Variants in NALF1 observed in about 807,000 individuals in gnomAD.
The protein encoded by NALF1 is NALCN channel auxiliary factor 1.
NALF1 carries 3 observed loss-of-function variants against 48.4 expected under a neutral mutation model. The observed-to-expected ratio is 0.06, with a 90% CI of 0.03 to 0.16. The LOEUF (loss-of-function observed/expected upper bound fraction) is 0.16. Ranked by LOEUF, NALF1 falls within the 10% of genes least tolerant of loss-of-function variation. The pLI is 1.00. For missense variants in NALF1, 526 were observed against 571.5 expected, an observed-to-expected ratio of 0.92 and a Z score of 0.81; for synonymous variants, 262 against 245.7, an observed-to-expected ratio of 1.07 and a Z score of -0.62.
At chr13:107,333,209 A>G (rs2138926088) in intron 1 of NALF1, among the ~76,000 whole-genome samples, 1 of 152,306 alleles carries the variant, frequency 6.6e-6, no homozygotes, top group Admixed American at 6.5e-5. Context: ...ATGTTGATTC[A>G]TGAACATTGA....
In NALF1 at chr13:107,835,879, T is replaced by TA. The variant is rs550569297; in HGVS notation, c.915+29802dup. 3.8e-4 allele frequency among the ~76,000 whole-genome samples: 58 copies of TA among 152,242 alleles called. No homozygotes were observed. In the South Asian group the frequency reaches 0.01, roughly 27 times the overall value. ...GATGAGGATCGGGGTGAGAGAAGAT[T>TA]AATACATTCCCCACAGTCTAGATCA... On this transcript the variant is annotated intron_variant, in intron 1 of 2. Coordinates refer to ENST00000375915, the MANE Select transcript of NALF1 (RefSeq NM_001080396.3).
intron 1 of NALF1, among the ~76,000 whole-genome samples, chr13:107,728,490 T>C (rs941701125): frequency 6.7e-6 from 1 of 149,596 alleles, no homozygotes; most frequent in Non-Finnish European, 1.5e-5. Context: ...AATGAGAACA[T>C]GTGGACACAG....
chr13:107,386,767 G>A (rs375585451), intron 1 of NALF1, among the ~76,000 whole-genome samples: 3 of 152,136 alleles, frequency 2.0e-5, no homozygotes, highest in South Asian at 4.2e-4. Context: ...ATTCTAGTAC[G>A]TCCACCTGTA....
At chr13:107,756,751 C>T (rs1566470268) in intron 1 of NALF1, among the ~76,000 whole-genome samples, 1 of 152,038 alleles carries the variant, frequency 6.6e-6, no homozygotes, top group Admixed American at 6.6e-5. Flanking sequence ...GGTGTGTGCT[C>T]AATGAAGGCA....
chr13:107,852,128 A>G (rs1183615492), intron 1 of NALF1, among the ~76,000 whole-genome samples: 1 of 151,968 alleles, frequency 6.6e-6, no homozygotes, highest in East Asian at 1.9e-4. Flanking sequence ...GTTCTAATTA[A>G]TGTGCACCTA....
At chr13:107,822,121 C>G (rs1159231640) in intron 1 of NALF1, among the ~76,000 whole-genome samples, 1 of 151,654 alleles carries the variant, frequency 6.6e-6, no homozygotes, top group Non-Finnish European at 1.5e-5. Context: ...AGCTAGCTCA[C>G]TTTTTACTTA....
chr13:107,672,009 AT>A (rs554459586), intron 1 of NALF1, among the ~76,000 whole-genome samples: 3 of 150,846 alleles, frequency 2.0e-5, no homozygotes, highest in Non-Finnish European at 4.4e-5. Context: ...GAAAAAAAAA[AT>A]CTACCTCATT....
chr13:107,188,477 A>C (rs111832577), intron 2 of NALF1, among the ~76,000 whole-genome samples: 1 of 152,094 alleles, frequency 6.6e-6, no homozygotes, highest in Admixed American at 6.6e-5. Context: ...AATTCTGCAA[A>C]TTTTGGATAT....
intron 1 of NALF1, among the ~76,000 whole-genome samples, chr13:107,304,452 G>A (rs1414931825): frequency 6.6e-6 from 1 of 152,190 alleles, no homozygotes; most frequent in African/African-American, 2.4e-5. Context: ...GAACTTGGAT[G>A]TGTTATCTCA....
chr13:107,349,256 C>A (rs1053429287), intron 1 of NALF1, among the ~76,000 whole-genome samples: 1 of 152,182 alleles, frequency 6.6e-6, no homozygotes, highest in African/African-American at 2.4e-5. Context: ...CTTTGCTGAA[C>A]TAATCACAAG....
intron 1 of NALF1, among the ~76,000 whole-genome samples, chr13:107,707,201 C>T (rs981497824): frequency 2.6e-5 from 4 of 151,750 alleles, no homozygotes; most frequent in South Asian, 2.1e-4. Flanking sequence ...GGATTACAGG[C>T]GTGAGCCACC....
intron 1 of NALF1, among the ~76,000 whole-genome samples, chr13:107,828,606 T>TATCTATAC (rs1426891111): frequency 1.9e-5 from 2 of 103,916 alleles, no homozygotes; most frequent in African/African-American, 2.8e-5. Context: ...TCTATATCTA[T>TATCTATAC]ACACACACAC....
chr13:107,412,420 G>A (rs1409911727), intron 1 of NALF1, among the ~76,000 whole-genome samples: 1 of 152,000 alleles, frequency 6.6e-6, no homozygotes, highest in African/African-American at 2.4e-5. Flanking sequence ...AAACCTTCAG[G>A]GCTCCAGGGC....
intron 1 of NALF1, among the ~76,000 whole-genome samples, chr13:107,662,218 C>G (rs1378776818): frequency 1.3e-5 from 2 of 152,200 alleles, no homozygotes; most frequent in Non-Finnish European, 2.9e-5. Flanking sequence ...GACATCACAG[C>G]CTGGCTGGGT....
intron 1 of NALF1, among the ~76,000 whole-genome samples, chr13:107,261,213 G>C (rs1188124402): frequency 6.6e-6 from 1 of 152,148 alleles, no homozygotes; most frequent in African/African-American, 2.4e-5. Flanking sequence ...GAAGGAGGCA[G>C]GTGACATCAG....
chr13:107,737,680 G>A (rs1053783784), intron 1 of NALF1, among the ~76,000 whole-genome samples: 2 of 152,124 alleles, frequency 1.3e-5, no homozygotes, highest in African/African-American at 4.8e-5. Context: ...AGAAGCTCAA[G>A]GGACGGGAAT....
chr13:107,656,456 C>T (rs1450407278), intron 1 of NALF1, among the ~76,000 whole-genome samples: 2 of 151,838 alleles, frequency 1.3e-5, no homozygotes, highest in East Asian at 1.9e-4. Context: ...AACCACAATG[C>T]GATACCACCT....
chr13:107,725,441 C>T (rs1024715098), intron 1 of NALF1, among the ~76,000 whole-genome samples: 5 of 152,232 alleles, frequency 3.3e-5, no homozygotes, highest in African/African-American at 7.2e-5. Flanking sequence ...GGCGCAGTGG[C>T]TCACACCTGT....
At chr13:107,304,357 T>A (rs1245677288) in intron 1 of NALF1, among the ~76,000 whole-genome samples, 1 of 152,224 alleles carries the variant, frequency 6.6e-6, no homozygotes, top group Non-Finnish European at 1.5e-5. Context: ...AAACGAGAGA[T>A]GGAATTGTAA....
Sources: gnomAD v4.1 joint callset for allele counts (sites outside exome capture counted in the v4.1 genomes callset) on GRCh38, gnomAD v4.1.1 for gene constraint, MANE v1.5 for transcripts, NCBI Gene and HGNC (gene_info 2026-07-23, HGNC 2026-07-21) for gene names.